EXOC6B: variants seen among roughly 807,000 people sequenced by gnomAD.
EXOC6B encodes the protein SEC15 homolog B.
Under a neutral mutation model 113.5 loss-of-function variants are expected in EXOC6B, and 54 were observed. The ratio of observed to expected loss-of-function variants is 0.48; its 90% CI spans 0.38 to 0.60. EXOC6B has a LOEUF of 0.60. Ranked by LOEUF, EXOC6B falls within the 20% of genes least tolerant of loss-of-function variation. The probability of loss-of-function intolerance (pLI) is 0.00; values close to 1 mark genes in which losing one functional copy is unlikely to be tolerated. For synonymous variants in EXOC6B, 357 were observed against 339.0 expected (o/e 1.05, Z -0.58); for missense variants, 797 against 977.5 (o/e 0.82, Z 2.46).
At chr2:72,486,885 T>G (rs866328423) in intron 16 of EXOC6B, among the ~76,000 whole-genome samples, 32 of 151,860 alleles carry the variant, frequency 2.1e-4, no homozygotes, top group Non-Finnish European at 1.9e-4. Context: ...AAAAAAAACC[T>G]GTCTTAACCG....
intron 20 of EXOC6B, among the ~76,000 whole-genome samples, chr2:72,203,497 T>C (rs927444167): frequency 6.6e-6 from 1 of 152,176 alleles, no homozygotes; most frequent in Non-Finnish European, 1.5e-5. Flanking sequence ...CAAAGGGAAT[T>C]TCACAGCTAA....
intron 1 of EXOC6B, among the ~76,000 whole-genome samples, chr2:72,792,907 C>T (rs1462195412): frequency 6.6e-6 from 1 of 151,972 alleles, no homozygotes; most frequent in Non-Finnish European, 1.5e-5. Flanking sequence ...ATTAGTTTTG[C>T]CTATTCTTAA....
chr2:72,410,623 G>C (rs1175925119), intron 18 of EXOC6B, among the ~76,000 whole-genome samples: 1 of 152,162 alleles, frequency 6.6e-6, no homozygotes, highest in Non-Finnish European at 1.5e-5. Flanking sequence ...CACACCACAT[G>C]TTAAAAGATA....
intron 20 of EXOC6B, among the ~76,000 whole-genome samples, chr2:72,311,525 C>T (rs1687184962): frequency 6.6e-6 from 1 of 152,080 alleles, no homozygotes; most frequent in Admixed American, 6.5e-5. Flanking sequence ...ACCACTTTTT[C>T]TGCCTCTTTC....
intron 1 of EXOC6B, among the ~76,000 whole-genome samples, chr2:72,744,216 C>T (rs955566206): frequency 1.3e-5 from 2 of 152,126 alleles, no homozygotes; most frequent in African/African-American, 2.4e-5. Context: ...ACAACAAAAT[C>T]ACCTAATGAC....
rs115067549 is a variant in EXOC6B at position 72,490,630 on chromosome 2, T to C, written c.1665+1688A>G. Among the ~76,000 whole-genome samples the C allele has an allele frequency of 2.2e-3, 329 of 152,294 alleles. 1 individual carries two copies. The highest frequency in any genetic ancestry group is 7.6e-3 in the African/African-American group (316 of 41,574). On this transcript the variant is annotated intron_variant, in intron 16 of 21. Coordinates refer to ENST00000272427, the MANE Select transcript of EXOC6B (RefSeq NM_015189.3). ...GCGTATGCATGTTTCTTCATTCATA[T>C]GCAAAGATACTGAAAGTATAGTTCC...
chr2:72,559,504 A>C lies in EXOC6B; in HGVS notation c.864T>G (p.Asp288Glu). ...EDDEEVPGAQ[D>E]LVDFSPVYRC... ...GATAAACTGGAGAGAAATCCACCAA[A>C]TCTTGGGCCCCAGGTACCTGCAAAC... The change falls in exon 8 of 22, where the codon GAT (aspartate) becomes GAG (glutamate). Residue 288 changes from aspartate to glutamate, a missense_variant. Physicochemically the swap from Asp to Glu is conservative, Grantham distance 45. Transcript: ENST00000272427. The C allele has an allele frequency of 6.2e-7, 1 of 1,613,014 alleles. No individual in the cohort carries two copies. The highest frequency in any genetic ancestry group is 8.5e-7 in the Non-Finnish European group (1 of 1,179,524).
chr2:72,625,056 GTT>G (rs79639654), intron 6 of EXOC6B, among the ~76,000 whole-genome samples: 1 of 91,848 alleles, frequency 1.1e-5, no homozygotes, highest in African/African-American at 4.3e-5. Context: ...ACATATAGAA[GTT>G]TTTTTTTGGG....
chr2:72,467,671 G>T (rs1218971536), intron 17 of EXOC6B, among the ~76,000 whole-genome samples: 1 of 151,984 alleles, frequency 6.6e-6, no homozygotes, highest in Non-Finnish European at 1.5e-5. Flanking sequence ...TTTTCTCATC[G>T]GGTTGTTTTC....
At chr2:72,567,541 G>A (rs989693868) in intron 7 of EXOC6B, among the ~76,000 whole-genome samples, 7 of 152,036 alleles carry the variant, frequency 4.6e-5, no homozygotes, top group African/African-American at 1.7e-4. Context: ...TGTAGCAGGT[G>A]TATTTCTTAG....
intron 16 of EXOC6B, among the ~76,000 whole-genome samples, chr2:72,488,186 C>T (rs1215117105): frequency 6.6e-6 from 1 of 152,070 alleles, no homozygotes; most frequent in African/African-American, 2.4e-5. Context: ...CTCTCTCATT[C>T]TTTATATAAT....
At chr2:72,662,225 T>C (rs1476067170) in intron 6 of EXOC6B, among the ~76,000 whole-genome samples, 1 of 152,122 alleles carries the variant, frequency 6.6e-6, no homozygotes, top group East Asian at 1.9e-4. Context: ...ATAGATCCAA[T>C]TGTAAAACCT....
chr2:72,277,841 T>C (rs1387919559), intron 20 of EXOC6B, among the ~76,000 whole-genome samples: 1 of 118,282 alleles, frequency 8.5e-6, no homozygotes, highest in East Asian at 1.9e-4. Flanking sequence ...AAATTAATTA[T>C]ACCCCATTTT....
intron 20 of EXOC6B, among the ~76,000 whole-genome samples, chr2:72,319,807 A>C (rs978491836): frequency 6.5e-4 from 99 of 152,196 alleles, no homozygotes; most frequent in African/African-American, 2.4e-3. Flanking sequence ...TTGATCTCTG[A>C]ATTCAACATA....
At chr2:72,712,046 C>T (rs1361350981) in intron 6 of EXOC6B, among the ~76,000 whole-genome samples, 1 of 152,108 alleles carries the variant, frequency 6.6e-6, no homozygotes, top group Non-Finnish European at 1.5e-5. Context: ...TTTTGAAACT[C>T]CTCCTCAGAT....
intron 18 of EXOC6B, among the ~76,000 whole-genome samples, chr2:72,425,642 A>G (rs985375468): frequency 2.0e-5 from 3 of 152,128 alleles, no homozygotes; most frequent in African/African-American, 4.8e-5. Flanking sequence ...ATTATTATTT[A>G]CCTTTTATTT....
At chr2:72,218,476 C>T (rs1364702480) in intron 20 of EXOC6B, among the ~76,000 whole-genome samples, 1 of 152,132 alleles carries the variant, frequency 6.6e-6, no homozygotes. Flanking sequence ...ATAACAATTA[C>T]TAATCACTTT....
Position 72,562,181 on chromosome 2 carries a change from T to C in EXOC6B, c.847-2660A>G, listed in dbSNP as rs538011295. On this transcript the variant is annotated intron_variant, in intron 7 of 21. Coordinates refer to ENST00000272427, the MANE Select transcript of EXOC6B (RefSeq NM_015189.3). The stretch of plus-strand genomic sequence containing the variant: ...GATGTGTTTTCTCTGCTGCCACTAA[T>C]GAAAAAAAATCACAACTACAGAAAG... Among the ~76,000 whole-genome samples the C allele has an allele frequency of 2.0e-5, 3 of 151,960 alleles. No homozygotes were observed. The East Asian group carries it at 5.8e-4, about 29-fold the overall frequency.
chr2:72,289,718 T>C (rs1685668565), intron 20 of EXOC6B, among the ~76,000 whole-genome samples: 1 of 152,174 alleles, frequency 6.6e-6, no homozygotes, highest in South Asian at 2.1e-4. Context: ...GATTCACACC[T>C]GAATTGGTAG....
Sources: gnomAD v4.1 joint callset for allele counts (sites outside exome capture counted in the v4.1 genomes callset) on GRCh38, gnomAD v4.1.1 for gene constraint, MANE v1.5 for transcripts, NCBI Gene and HGNC (gene_info 2026-07-23, HGNC 2026-07-21) for gene names.